Variants in GPATCH2 observed in about 807,000 individuals in gnomAD.
The protein encoded by GPATCH2 is G patch domain-containing protein 2.
Under a neutral mutation model 58.0 loss-of-function variants are expected in GPATCH2, and 51 were observed. The ratio of observed to expected loss-of-function variants is 0.88; its 90% CI spans 0.70 to 1.11. GPATCH2 has a LOEUF of 1.11. Among genes scored for constraint, GPATCH2 ranks in the 50% most tolerant of loss-of-function variants. GPATCH2 has a pLI of 0.00. For synonymous variants in GPATCH2, 222 were observed against 218.5 expected, an observed-to-expected ratio of 1.02 and a Z score of -0.14; for missense variants, 625 against 652.2, an observed-to-expected ratio of 0.96 and a Z score of 0.45.
At chr1:217,463,538 T>C (rs973620557) in intron 8 of GPATCH2, among the ~76,000 whole-genome samples, 1 of 149,930 alleles carries the variant, frequency 6.7e-6, no homozygotes, top group South Asian at 2.1e-4. Flanking sequence ...AGCAGGATGA[T>C]TTATGCCTGT....
chr1:217,574,303 C>T (rs1476655004), intron 5 of GPATCH2, among the ~76,000 whole-genome samples: 1 of 152,042 alleles, frequency 6.6e-6, no homozygotes, highest in Non-Finnish European at 1.5e-5. Context: ...CTATCCTAGC[C>T]CGAGCCCCAA....
chr1:217,563,750 A>G (rs908584572), intron 5 of GPATCH2, among the ~76,000 whole-genome samples: 1 of 152,216 alleles, frequency 6.6e-6, no homozygotes, highest in Admixed American at 6.5e-5. Flanking sequence ...AAAGTTTTAA[A>G]GAAGTATATG....
chr1:217,438,872 C>T (rs1372422998), intron 9 of GPATCH2, among the ~76,000 whole-genome samples: 1 of 152,248 alleles, frequency 6.6e-6, no homozygotes, highest in Admixed American at 6.5e-5. Context: ...ATTCATAACG[C>T]AAGTTCTTAG....
chr1:217,614,336 T>TC, intron 2 of GPATCH2, 134 bp from the exon 3 acceptor site: 1 of 600,422 alleles, frequency 1.7e-6, no homozygotes, highest in African/African-American at 1.9e-5. Flanking sequence ...AGATGATTTT[T>TC]TTTTTAATCA....
chr1:217,584,344 A>AATATATATATATATATAT (rs71556690), intron 5 of GPATCH2, among the ~76,000 whole-genome samples: 8 of 101,858 alleles, frequency 7.9e-5, no homozygotes, highest in East Asian at 6.1e-4. Flanking sequence ...AAAAAAAAAA[A>AATATATATATATATATAT]ATATATATAT....
At chr1:217,585,460 A>G (rs1667294050) in intron 5 of GPATCH2, among the ~76,000 whole-genome samples, 1 of 152,098 alleles carries the variant, frequency 6.6e-6, no homozygotes, top group African/African-American at 2.4e-5. Context: ...ATCTCTACTA[A>G]AAATACAAAA....
chr1:217,517,490 T>C (rs935582899), intron 5 of GPATCH2, among the ~76,000 whole-genome samples: 5 of 152,128 alleles, frequency 3.3e-5, no homozygotes, highest in Admixed American at 6.5e-5. Flanking sequence ...GAAAGCAGTG[T>C]TATACTGAAG....
chr1:217,497,220 T>C (rs749308498), intron 7 of GPATCH2, among the ~76,000 whole-genome samples: 9 of 152,118 alleles, frequency 5.9e-5, no homozygotes, highest in African/African-American at 1.9e-4. Context: ...GCATTGTACA[T>C]AGAGGGATAA....
chr1:217,427,373 T>C lies in GPATCH2; in HGVS notation c.*3772A>G, dbSNP rs933283119. Reference sequence around the variant, plus strand: ...ATTTTTCTCTAATTTTTTTGAGATATTGAAATTTTTCGCTGAACTTAACTG... The same window carrying C: ...ATTTTTCTCTAATTTTTTTGAGATACTGAAATTTTTCGCTGAACTTAACTG... On this transcript the variant is annotated 3_prime_UTR_variant, in exon 10 of 10. Coordinates refer to ENST00000366935, the MANE Select transcript of GPATCH2 (RefSeq NM_018040.5). 3.3e-5 allele frequency: 5 copies of C among 152,188 alleles called. No homozygotes were observed. The highest frequency in any genetic ancestry group is 5.9e-5 in the Non-Finnish European group (4 of 68,024). 9.4% of individuals were successfully genotyped at this position (152,188 alleles called of 1,614,324 possible).
chr1:217,484,652 CACAT>C (rs1216089629), intron 8 of GPATCH2, among the ~76,000 whole-genome samples: 1 of 149,004 alleles, frequency 6.7e-6, no homozygotes, highest in African/African-American at 2.5e-5. Flanking sequence ...CATATATACA[CACAT>C]ATACTTATAT....
At chr1:217,439,304 G>C (rs918556835) in intron 9 of GPATCH2, among the ~76,000 whole-genome samples, 2 of 152,168 alleles carry the variant, frequency 1.3e-5, no homozygotes, top group Admixed American at 6.5e-5. Context: ...AAATAAATAA[G>C]TTATTTGAAA....
chr1:217,479,787 C>A (rs1661134846), intron 8 of GPATCH2, among the ~76,000 whole-genome samples: 1 of 151,800 alleles, frequency 6.6e-6, no homozygotes, highest in African/African-American at 2.4e-5. Flanking sequence ...CCTGTAAAGA[C>A]ACATATTGAA....
At chr1:217,558,244 C>G (rs1474590061) in intron 5 of GPATCH2, among the ~76,000 whole-genome samples, 1 of 152,148 alleles carries the variant, frequency 6.6e-6, no homozygotes, top group Non-Finnish European at 1.5e-5. Context: ...TAACCACTGT[C>G]CTGAAGGGTT....
chr1:217,523,472 G>A (rs974631101), intron 5 of GPATCH2, among the ~76,000 whole-genome samples: 4 of 151,658 alleles, frequency 2.6e-5, no homozygotes, highest in Non-Finnish European at 5.9e-5. Flanking sequence ...ACATGTTTCA[G>A]AGAGCACAGG....
chr1:217,583,019 A>G lies in GPATCH2; in HGVS notation c.1098+27302T>C, dbSNP rs372147443. On this transcript the variant is annotated intron_variant, in intron 5 of 9. Transcript: ENST00000366935. The stretch of plus-strand genomic sequence containing the variant: ...CTAAACTCCATCTTGGATAAAATAT[A>G]GTAACAATATGGATAAATCAAAGAC... 3.3e-5 allele frequency among the ~76,000 whole-genome samples: 5 copies of G among 152,336 alleles called. No homozygotes were observed. The East Asian group carries it at 7.7e-4, about 23-fold the overall frequency.
intron 5 of GPATCH2, among the ~76,000 whole-genome samples, chr1:217,571,609 T>C (rs762596887): frequency 1.4e-5 from 2 of 148,010 alleles, no homozygotes; most frequent in Non-Finnish European, 3.0e-5. Context: ...GATCTACACT[T>C]GAGGCCAGTT....
intron 8 of GPATCH2, among the ~76,000 whole-genome samples, chr1:217,452,040 G>A (rs565866240): frequency 8.7e-4 from 132 of 152,292 alleles, no homozygotes; most frequent in African/African-American, 1.4e-3. Flanking sequence ...AGAGCACTGC[G>A]GCTGGACCAT....
intron 6 of GPATCH2, among the ~76,000 whole-genome samples, chr1:217,513,519 A>G (rs1020347713): frequency 1.3e-5 from 2 of 152,180 alleles, no homozygotes; most frequent in African/African-American, 4.8e-5. Flanking sequence ...ATGTCTTCCC[A>G]TACTTTATGG....
chr1:217,465,088 T>C (rs1177562759), intron 8 of GPATCH2, among the ~76,000 whole-genome samples: 2 of 151,414 alleles, frequency 1.3e-5, no homozygotes, highest in Admixed American at 6.6e-5. Flanking sequence ...AGGAAGCAAT[T>C]AGAAATAAAA....
Sources: gnomAD v4.1 joint callset for allele counts (sites outside exome capture counted in the v4.1 genomes callset) on GRCh38, gnomAD v4.1.1 for gene constraint, MANE v1.5 for transcripts, NCBI Gene and HGNC (gene_info 2026-07-23, HGNC 2026-07-21) for gene names.